Variants in RGS7 observed in about 807,000 individuals in gnomAD.
The protein encoded by RGS7 is regulator of G protein signaling 7.
A neutral mutation model predicts 81.1 loss-of-function variants in RGS7; 27 were observed. That is an observed-to-expected ratio of 0.33 (90% CI 0.25 to 0.46). The LOEUF is 0.46. Among genes scored for constraint, RGS7 ranks in the 20% least tolerant of loss-of-function variants. The probability of loss-of-function intolerance (pLI) is 1.00; values close to 1 mark genes in which losing one functional copy is unlikely to be tolerated. For synonymous variants in RGS7, 208 were observed against 207.7 expected (o/e 1.00, Z -0.01); for missense variants, 396 against 607.4 (o/e 0.65, Z 3.66).
chr1:241,125,510 T>C (rs1031012717), intron 2 of RGS7, among the ~76,000 whole-genome samples: 14 of 152,070 alleles, frequency 9.2e-5, no homozygotes, highest in African/African-American at 3.4e-4. Flanking sequence ...TCCTCTGCTC[T>C]CCCACAGAAC....
chr1:241,182,316 A>G (rs773894958), intron 2 of RGS7, among the ~76,000 whole-genome samples: 1 of 152,170 alleles, frequency 6.6e-6, no homozygotes, highest in Non-Finnish European at 1.5e-5. Context: ...ATAAAAAATC[A>G]TACTCCATTT....
chr1:240,855,243 A>C (rs1359198853), intron 9 of RGS7, among the ~76,000 whole-genome samples: 1 of 148,636 alleles, frequency 6.7e-6, no homozygotes, highest in Non-Finnish European at 1.5e-5. Flanking sequence ...TTTATTTAAC[A>C]AGCGCGTCCA....
chr1:241,331,949 T>C (rs1243999422), intron 2 of RGS7, among the ~76,000 whole-genome samples: 1 of 152,298 alleles, frequency 6.6e-6, no homozygotes, highest in East Asian at 1.9e-4. Flanking sequence ...CTGGGAATGT[T>C]TAATTTGTAA....
chr1:240,913,950 T>G lies in RGS7; in HGVS notation c.385+16767A>C, dbSNP rs528512979. Among the ~76,000 whole-genome samples the G allele has an allele frequency of 1.9e-3, 285 of 152,148 alleles. 3 individuals carry two copies. Among genetic ancestry groups the G allele is most frequent in the Non-Finnish European group, 2.0e-3 (133 of 67,982 alleles). On this transcript the variant is annotated intron_variant, in intron 6 of 18. Coordinates refer to ENST00000440928, the MANE Select transcript of RGS7 (RefSeq NM_001364886.1). ...ATTATACTTTAAGTTTTAGGGTACA[T>G]GTGCACATTGTGCAGGTTAGTTACA...
chr1:241,196,081 C>A (rs986817119), intron 2 of RGS7, among the ~76,000 whole-genome samples: 33 of 151,516 alleles, frequency 2.2e-4, no homozygotes, highest in Non-Finnish European at 3.1e-4. Flanking sequence ...AAAGAGAAAT[C>A]TTAAAAAAAG....
intron 4 of RGS7, among the ~76,000 whole-genome samples, chr1:240,952,504 A>G (rs1001554430): frequency 4.6e-5 from 7 of 152,004 alleles, no homozygotes; most frequent in Non-Finnish European, 7.4e-5. Context: ...AATAAGTACA[A>G]TTGATATGCT....
At chr1:240,966,714 G>C (rs910307756) in intron 4 of RGS7, among the ~76,000 whole-genome samples, 1 of 152,076 alleles carries the variant, frequency 6.6e-6, no homozygotes, top group Admixed American at 6.5e-5. Context: ...ATGGATAATA[G>C]CTTTGGGAAG....
At chr1:241,335,149 T>C (rs67539728) in intron 2 of RGS7, among the ~76,000 whole-genome samples, 33,365 of 152,096 alleles carry the variant, frequency 0.22, 3,782 homozygotes, top group East Asian at 0.3. Flanking sequence ...TCCTAAGTTA[T>C]AGGGGGAGAG....
rs1675702048 is a variant in RGS7, at chr1:240,932,694, G to C, written c.334-1926C>G. On this transcript the variant is annotated intron_variant, in intron 5 of 18. Coordinates refer to ENST00000440928, the MANE Select transcript of RGS7 (RefSeq NM_001364886.1). ...CAGCTGAGTTTTTGTATTTTTAGTA[G>C]AGACGGGGTTTCACCGTGTTAGCCA... 2.0e-5 allele frequency among the ~76,000 whole-genome samples: 3 copies of C among 150,760 alleles called. 1 individual carries two copies. The South Asian group carries it at 6.3e-4, about 32-fold the overall frequency.
At chr1:241,283,615 C>T (rs1230853961) in intron 2 of RGS7, among the ~76,000 whole-genome samples, 1 of 152,018 alleles carries the variant, frequency 6.6e-6, no homozygotes, top group Non-Finnish European at 1.5e-5. Flanking sequence ...CTTTGGGTTT[C>T]TTCTGTGTGA....
At chr1:241,306,738 C>T (rs2080189695) in intron 2 of RGS7, among the ~76,000 whole-genome samples, 3 of 152,000 alleles carry the variant, frequency 2.0e-5, no homozygotes, top group South Asian at 2.1e-4. Context: ...CTTATGCACA[C>T]GTCCCCACAC....
chr1:240,836,881 T>A (rs1694814410), intron 9 of RGS7, among the ~76,000 whole-genome samples: 1 of 152,216 alleles, frequency 6.6e-6, no homozygotes, highest in Admixed American at 6.5e-5. Context: ...TACACTTTCC[T>A]AAATTTTCTG....
intron 3 of RGS7, among the ~76,000 whole-genome samples, chr1:241,096,580 T>C (rs963552296): frequency 6.6e-6 from 1 of 152,210 alleles, no homozygotes; most frequent in Non-Finnish European, 1.5e-5. Flanking sequence ...ACCACTGTTA[T>C]TTTACAGCAG....
chr1:240,777,565 T>C (rs1683186950), intron 18 of RGS7, among the ~76,000 whole-genome samples: 1 of 152,200 alleles, frequency 6.6e-6, no homozygotes, highest in Admixed American at 6.5e-5. Flanking sequence ...GCCATTGCCT[T>C]AGTCTGTTTG....
Position 240,922,580 on chromosome 1 carries a change from A to G in RGS7, c.385+8137T>C, listed in dbSNP as rs1194139561. On this transcript the variant is annotated intron_variant, in intron 6 of 18. Coordinates refer to ENST00000440928, the MANE Select transcript of RGS7 (RefSeq NM_001364886.1). The stretch of plus-strand genomic sequence containing the variant: ...ATATAATATCTGAACAGAAAACTCA[A>G]CAAAGAAGACGAACACTTGGCAAAT... Among the ~76,000 whole-genome samples the G allele has an allele frequency of 9.9e-5, 15 of 152,248 alleles. No individual in the cohort carries two copies. The East Asian group carries it at 2.7e-3, about 27-fold the overall frequency.
chr1:241,245,977 G>A (rs1422111040), intron 2 of RGS7, among the ~76,000 whole-genome samples: 6 of 151,686 alleles, frequency 4.0e-5, no homozygotes, highest in African/African-American at 7.3e-5. Flanking sequence ...GGTGGCGGGC[G>A]CCTGTAGTCC....
At chr1:241,073,406 G>C (rs922474634) in intron 3 of RGS7, among the ~76,000 whole-genome samples, 1 of 152,094 alleles carries the variant, frequency 6.6e-6, no homozygotes, top group Non-Finnish European at 1.5e-5. Context: ...CCTGACTACA[G>C]AAGGTGCTCA....
rs192709425 is a variant in RGS7, at chr1:241,054,857, T to C, written c.175+43809A>G. Among the ~76,000 whole-genome samples the C allele has an allele frequency of 2.8e-4, 43 of 152,330 alleles. No homozygotes were observed. In the East Asian group the frequency reaches 7.4e-3, roughly 26 times the overall value. The stretch of plus-strand genomic sequence containing the variant: ...TTCTCCTGACCAACAAGTAGAGTTA[T>C]CTTCCTAAAACTTATATCACTACTC... On this transcript the variant is annotated intron_variant, in intron 3 of 18. Transcript: ENST00000440928.
chr1:240,972,561 G>A (rs1212062343), intron 4 of RGS7, among the ~76,000 whole-genome samples: 3 of 95,152 alleles, frequency 3.2e-5, no homozygotes, highest in Non-Finnish European at 4.1e-5. Context: ...TGGGGGGAGG[G>A]GGGAGGGATA....
Sources: gnomAD v4.1 joint callset for allele counts (sites outside exome capture counted in the v4.1 genomes callset) on GRCh38, gnomAD v4.1.1 for gene constraint, MANE v1.5 for transcripts, NCBI Gene and HGNC (gene_info 2026-07-23, HGNC 2026-07-21) for gene names.